The following NFIB variants were observed in gnomAD, a reference collection of about 807,000 sequenced individuals.
The protein encoded by NFIB is nuclear factor I B.
A neutral mutation model predicts 61.5 loss-of-function variants in NFIB; 11 were observed. The ratio of observed to expected loss-of-function variants is 0.18; its 90% CI spans 0.11 to 0.30. NFIB has a LOEUF of 0.30. NFIB is among the 10% of genes least tolerant of loss of function. The probability of loss-of-function intolerance (pLI) is 1.00; values close to 1 mark genes in which losing one functional copy is unlikely to be tolerated. For missense variants in NFIB, 471 were observed against 608.9 expected (o/e 0.77, Z 2.38); for synonymous variants, 260 against 216.5 (o/e 1.20, Z -1.76).
intron 1 of NFIB, among the ~76,000 whole-genome samples, chr9:14,335,911 C>T (rs571786266): frequency 3.5e-4 from 54 of 152,332 alleles, no homozygotes; most frequent in African/African-American, 1.3e-3. Flanking sequence ...TGTTCCAACA[C>T]CATCTATTGA....
the NFIB span, among the ~76,000 whole-genome samples, chr9:14,525,767 G>A: frequency 6.6e-4 from 101 of 152,142 alleles, no homozygotes; most frequent in South Asian, 7.3e-3. Flanking sequence ...CCACAAAAAT[G>A]TTCATGTGAA....
intron 3 of NFIB, 96 bp from the exon 4 acceptor site, chr9:14,155,989 T>TTTGTTCAAACCATTG: frequency 1.5e-6 from 1 of 685,200 alleles, no homozygotes; most frequent in Non-Finnish European, 2.3e-6. Context: ...GCCAATGGTT[T>TTTGTTCAAACCATTG]GAACAAAAAC....
chr9:14,456,213 T>TA, the NFIB span, among the ~76,000 whole-genome samples: 710 of 152,120 alleles, frequency 4.7e-3, 9 homozygotes, highest in African/African-American at 0.016. Context: ...CTTGGCATTT[T>TA]TTTTTTTTTA....
intron 10 of NFIB, among the ~76,000 whole-genome samples, chr9:14,096,866 C>G (rs2034874328): frequency 6.6e-6 from 1 of 152,068 alleles, no homozygotes; most frequent in South Asian, 2.1e-4. Context: ...GATTGCTGAC[C>G]CATTTCCTGT....
chr9:14,119,162 G>A (rs1465419653), intron 8 of NFIB, among the ~76,000 whole-genome samples: 3 of 152,076 alleles, frequency 2.0e-5, no homozygotes, highest in South Asian at 4.1e-4. Context: ...GCTGAGTCTA[G>A]CAAAATGCTC....
Position 14,086,977 on chromosome 9 carries a change from T to A in NFIB, c.*1332A>T, listed in dbSNP as rs140166227. The A allele has an allele frequency of 5.9e-5, 12 of 203,646 alleles. No individual in the cohort carries two copies. The East Asian group carries it at 9.0e-4, about 15-fold the overall frequency. 12.6% of individuals were successfully genotyped at this position (203,646 alleles called of 1,614,324 possible). ...AAATTTGTTGAACAAGGCTAATGTC[T>A]GAAAGCACCATGCAAGTTTTCAGCA... On this transcript the variant is annotated 3_prime_UTR_variant, in exon 11 of 11. Coordinates refer to ENST00000380953, the MANE Select transcript of NFIB (RefSeq NM_001190737.2).
At chr9:14,424,007 C>T in the NFIB span, among the ~76,000 whole-genome samples, 3 of 151,772 alleles carry the variant, frequency 2.0e-5, no homozygotes, top group South Asian at 2.1e-4. Context: ...TTTTATCTCT[C>T]GCTTTTTTGG....
At chr9:14,531,186 A>G in the NFIB span, among the ~76,000 whole-genome samples, 8 of 152,138 alleles carry the variant, frequency 5.3e-5, no homozygotes, top group African/African-American at 1.9e-4. Context: ...TCTCTTCCCA[A>G]TATTATGTTA....
At chr9:14,338,469 A>C (rs972737539) in intron 1 of NFIB, among the ~76,000 whole-genome samples, 1 of 152,220 alleles carries the variant, frequency 6.6e-6, no homozygotes, top group Non-Finnish European at 1.5e-5. Flanking sequence ...GGAGTAGAAC[A>C]ACTGGAGTTT....
intron 5 of NFIB, 34 bp downstream of exon 5, chr9:14,150,111 C>T (rs2042699689): frequency 6.2e-7 from 1 of 1,612,274 alleles, no homozygotes; most frequent in African/African-American, 1.3e-5. Context: ...ATGTGTGTAT[C>T]ACTTGAGAAT....
chr9:14,091,751 T>C (rs1490139039), intron 10 of NFIB, among the ~76,000 whole-genome samples: 1 of 151,942 alleles, frequency 6.6e-6, no homozygotes, highest in Non-Finnish European at 1.5e-5. Context: ...TTAGAAAATA[T>C]AAAGTAGATA....
intron 2 of NFIB, among the ~76,000 whole-genome samples, chr9:14,214,634 G>C (rs2050660148): frequency 2.0e-5 from 3 of 152,152 alleles, no homozygotes; most frequent in South Asian, 4.1e-4. Flanking sequence ...ATAACTACCA[G>C]GAAACTTTTT....
the NFIB span, among the ~76,000 whole-genome samples, chr9:14,448,126 T>G: frequency 1.3e-5 from 2 of 152,160 alleles, no homozygotes; most frequent in African/African-American, 4.8e-5. Context: ...TTGCAAACAT[T>G]ATACAGTGTG....
intron 1 of NFIB, among the ~76,000 whole-genome samples, chr9:14,393,071 A>C (rs1249764643): frequency 1.3e-5 from 2 of 152,222 alleles, no homozygotes; most frequent in Non-Finnish European, 2.9e-5. Context: ...TTCTGTATTT[A>C]AGATAAAACT....
rs2032227990 is a variant in NFIB at position 14,082,872 on chromosome 9, T to C, written c.*5437A>G. 1 of 206,322 alleles carries C rather than the reference T, an allele frequency of 4.8e-6. No homozygotes were observed. Among genetic ancestry groups the C allele is most frequent in the Admixed American group, 6.0e-5 (1 of 16,756 alleles). The allele number at this position is 206,322 out of a possible 1,614,324, so 12.8% of individuals were successfully genotyped here. A position where few individuals can be genotyped will look rare whatever the true frequency, so the allele number is the denominator to read the frequency against. ...GTTTTCAAAACCATTCTGTCAAAAA[T>C]ACAGTAATACAAGACTGGCTTTAGT... On this transcript the variant is annotated 3_prime_UTR_variant, in exon 11 of 11. Coordinates refer to ENST00000380953, the MANE Select transcript of NFIB (RefSeq NM_001190737.2).
intron 1 of NFIB, among the ~76,000 whole-genome samples, chr9:14,380,510 G>A (rs1469569562): frequency 2.6e-5 from 4 of 152,128 alleles, no homozygotes; most frequent in Admixed American, 2.0e-4. Flanking sequence ...TAGAAAACAA[G>A]GAAGTCACAT....
At chr9:14,255,826 T>C (rs2056167534) in intron 2 of NFIB, among the ~76,000 whole-genome samples, 1 of 152,258 alleles carries the variant, frequency 6.6e-6, no homozygotes, top group African/African-American at 2.4e-5. Flanking sequence ...AATGATCAAA[T>C]AGCCTGAATG....
intron 2 of NFIB, among the ~76,000 whole-genome samples, chr9:14,237,762 CAGTGTGTGTGTGTGTGTGTGTG>C (rs2053897971): frequency 1.9e-5 from 2 of 105,810 alleles, no homozygotes; most frequent in African/African-American, 8.2e-5. Flanking sequence ...CTAGGTATAA[CAGTGTGTGTGTGTGTGTGTGTG>C]TGTGTGTGTG....
At chr9:14,401,648 T>A (rs2061744316), upstream of NFIB, among the ~76,000 whole-genome samples, 2 of 152,202 alleles carry the variant, frequency 1.3e-5, no homozygotes, top group East Asian at 1.9e-4. Flanking sequence ...CAGAGCCTAG[T>A]GGTCTAGTGT....
Sources: allele counts gnomAD v4.1 joint callset (sites outside exome capture counted in the v4.1 genomes callset), GRCh38; gene constraint gnomAD v4.1.1; transcripts MANE v1.5; gene names NCBI Gene and HGNC (gene_info 2026-07-23, HGNC 2026-07-21).